UBE2O: variants seen among roughly 807,000 people sequenced by gnomAD.
UBE2O encodes the protein (E3-independent) E2 ubiquitin-conjugating enzyme.
A neutral mutation model predicts 125.8 loss-of-function variants in UBE2O; 15 were observed. That is an observed-to-expected ratio of 0.12 (90% confidence interval 0.08 to 0.18). The LOEUF (loss-of-function observed/expected upper bound fraction) is 0.18. Ranked by LOEUF, UBE2O falls within the 10% of genes least tolerant of loss-of-function variation. The pLI, the probability that UBE2O is intolerant of heterozygous loss-of-function variation, is 1.00. For missense variants in UBE2O, 1,280 were observed against 1,723.6 expected (o/e 0.74, Z 4.56); for synonymous variants, 708 against 703.2 (o/e 1.01, Z -0.11).
intron 1 of UBE2O, among the ~76,000 whole-genome samples, chr17:76,424,926 A>G (rs2072781395): frequency 1.3e-5 from 2 of 148,756 alleles, no homozygotes; most frequent in Admixed American, 6.7e-5. Flanking sequence ...GCTGGAGTGC[A>G]GTGGCGCGAT....
rs1203077120 is a variant in UBE2O, at chr17:76,405,090, C to G, written c.588+116G>C. 2.7e-6 allele frequency: 2 copies of G among 740,974 alleles called. No homozygotes were observed. Among genetic ancestry groups the G allele is most frequent in the Admixed American group, 3.1e-5 (1 of 32,774 alleles). The allele number at this position is 740,974 out of a possible 1,614,324, so 45.9% of individuals were successfully genotyped here. On this transcript the variant is annotated intron_variant, in intron 3 of 17. Transcript: ENST00000319380. This position sits in a 1 kb window ranked among gnomAD's most constrained non-coding sequence, Gnocchi z 6.1. ...CCAGCTGGCTGCTGTGCTCCGCCTTCTGACCCAGGAAGGCTGTGCTTGGCA... is the reference window on the plus strand; with the variant it reads ...CCAGCTGGCTGCTGTGCTCCGCCTTGTGACCCAGGAAGGCTGTGCTTGGCA...
At position 76,402,783 on chromosome 17, in the gene UBE2O, G is replaced by T; in HGVS notation, c.589-84C>A. ...ACAGATTCCTCTATGCCCCACCGAA[G>T]ACAGGATGGGGGAGGATCTAGACAG... On this transcript the variant is annotated intron_variant, in intron 3 of 17. Transcript: ENST00000319380. The surrounding 1 kb of genome is among the most constrained non-coding windows in gnomAD (Gnocchi z 5.4). 1 of 1,159,580 alleles carries T rather than the reference G, an allele frequency of 8.6e-7. No individual in the cohort carries two copies. The allele number at this position is 1,159,580 out of a possible 1,614,324, so 71.8% of individuals were successfully genotyped here.
At chr17:76,393,832 G>A (rs1292647194) in intron 15 of UBE2O, among the ~76,000 whole-genome samples, 1 of 152,214 alleles carries the variant, frequency 6.6e-6, no homozygotes, top group African/African-American at 2.4e-5. Context: ...GGCGAGGTCA[G>A]TGATGAGCTG....
At chr17:76,420,773 G>C (rs2072697318) in intron 1 of UBE2O, among the ~76,000 whole-genome samples, 1 of 152,138 alleles carries the variant, frequency 6.6e-6, no homozygotes, top group Admixed American at 6.5e-5. Flanking sequence ...CCAGGTGTTG[G>C]TCCTGCCAGC....
chr17:76,414,811 G>C (rs974492602), intron 1 of UBE2O, among the ~76,000 whole-genome samples: 1 of 152,166 alleles, frequency 6.6e-6, no homozygotes, highest in Admixed American at 6.5e-5. Context: ...TGCACTTGGC[G>C]GCAGGAGCTG....
In UBE2O at chr17:76,396,041, C is replaced by G. The variant is rs530994083; in HGVS notation, c.2809+87G>C. On this transcript the variant is annotated intron_variant, in intron 14 of 17. Transcript: ENST00000319380. This position sits in a 1 kb window ranked among gnomAD's most constrained non-coding sequence, Gnocchi z 6.7. ...CAGTAGCTGGGGTCTGGCGAGGGGACTAACCACCCTGCACCCAGATCTGGT... is the reference window on the plus strand; with the variant it reads ...CAGTAGCTGGGGTCTGGCGAGGGGAGTAACCACCCTGCACCCAGATCTGGT... The G allele has an allele frequency of 1.5e-4, 221 of 1,513,856 alleles. 2 individuals are homozygous for G. The South Asian group carries it at 1.6e-3, about 11-fold the overall frequency. The allele number at this position is 1,513,856 out of a possible 1,614,324, so 93.8% of individuals were successfully genotyped here.
chr17:76,414,793 G>A (rs867501091), intron 1 of UBE2O, among the ~76,000 whole-genome samples: 5 of 152,204 alleles, frequency 3.3e-5, no homozygotes, highest in Admixed American at 6.5e-5. Flanking sequence ...TGTTTGATAA[G>A]CAATATGTGC....
chr17:76,435,996 T>A (rs1598617755), intron 1 of UBE2O, among the ~76,000 whole-genome samples: 1 of 152,218 alleles, frequency 6.6e-6, no homozygotes, highest in African/African-American at 2.4e-5. Context: ...CCTGTAATCC[T>A]AGCACTTTGG....
rs1239770689 is a variant in UBE2O, at chr17:76,400,427, A to G, written c.1004+14T>C. The G allele has an allele frequency of 1.9e-6, 3 of 1,605,048 alleles. No individual in the cohort carries two copies. The highest frequency in any genetic ancestry group is 2.6e-6 in the Non-Finnish European group (3 of 1,174,440). ...CGCGTGCCCCTGGGTTGCTGGCAGTAAGGGCATGCTTACCTGCCTAGGTTT... is the reference window on the plus strand; with the variant it reads ...CGCGTGCCCCTGGGTTGCTGGCAGTGAGGGCATGCTTACCTGCCTAGGTTT... On this transcript the variant is annotated intron_variant, in intron 7 of 17. Transcript: ENST00000319380. This position sits in a 1 kb window ranked among gnomAD's most constrained non-coding sequence, Gnocchi z 4.3.
Position 76,395,839 on chromosome 17 carries a change from A to C in UBE2O, c.2832T>G (p.Ile944Met). 6.2e-7 allele frequency: 1 copy of C among 1,614,202 alleles called. No homozygotes were observed. Among genetic ancestry groups the C allele is most frequent in the Non-Finnish European group, 8.5e-7 (1 of 1,180,038 alleles). Residue 944 changes from isoleucine (I) to methionine (M), a missense_variant, in exon 15 of 18, where the codon ATT becomes ATG. Physicochemically the swap from Ile to Met is conservative, Grantham distance 10. Around this residue, in one of 10 missense-constraint regions of UBE2O, gnomAD observed 116 missense variants for 154.8 expected, o/e 0.75. Coordinates refer to ENST00000319380, the MANE Select transcript of UBE2O (RefSeq NM_022066.4). This position sits in a 1 kb window ranked among gnomAD's most constrained non-coding sequence, Gnocchi z 5.0. Reference protein sequence around the residue: ...FAPSNHSFKKIEFQPPEAKKF... With the variant: ...FAPSNHSFKKMEFQPPEAKKF... ...TCTTGGCTTCTGGAGGCTGGAACTC[A>C]ATTTTCTTAAAAGAATGATTTGCTA...
intron 1 of UBE2O, among the ~76,000 whole-genome samples, chr17:76,414,882 T>TA (rs2072574665): frequency 6.6e-6 from 1 of 151,978 alleles, no homozygotes; most frequent in African/African-American, 2.4e-5. Flanking sequence ...CAACCTGGCT[T>TA]AAAAAAAGAC....
intron 15 of UBE2O, among the ~76,000 whole-genome samples, chr17:76,394,558 G>A (rs973114847): frequency 4.6e-5 from 7 of 152,312 alleles, no homozygotes; most frequent in African/African-American, 1.2e-4. Context: ...TGATGTGTAC[G>A]ACGACATATT....
intron 1 of UBE2O, among the ~76,000 whole-genome samples, chr17:76,443,353 A>G (rs1313524154): frequency 6.6e-6 from 1 of 152,128 alleles, no homozygotes; most frequent in Non-Finnish European, 1.5e-5. Flanking sequence ...CCGGGGCACG[A>G]TCTCGGCTCA....
In UBE2O at chr17:76,399,529, G is replaced by A; in HGVS notation, c.1548C>T (p.Ile516=). ...SGSGTSRKKS[I]PLSIKNLKRK... Reference sequence around the variant, plus strand: ...GCTTTAAGTTCTTGATGGACAAGGGGATGCTCTTTTTGCGACTCGTGCCGC... The same window carrying A: ...GCTTTAAGTTCTTGATGGACAAGGGAATGCTCTTTTTGCGACTCGTGCCGC... Residue 516 remains isoleucine (I), a synonymous_variant, in exon 9 of 18, where the codon ATC becomes ATT. Coordinates refer to ENST00000319380, the MANE Select transcript of UBE2O (RefSeq NM_022066.4). This position sits in a 1 kb window ranked among gnomAD's most constrained non-coding sequence, Gnocchi z 6.9. The A allele has an allele frequency of 6.2e-7, 1 of 1,614,226 alleles. No homozygotes were observed.
Position 76,402,472 on chromosome 17 carries a change from C to G in UBE2O, c.686+130G>C. The G allele has an allele frequency of 1.2e-6, 1 of 805,782 alleles. No homozygotes were observed. Among genetic ancestry groups the G allele is most frequent in the South Asian group, 1.5e-5 (1 of 65,506 alleles). The allele number at this position is 805,782 out of a possible 1,614,324, so 49.9% of individuals were successfully genotyped here. A position where few individuals can be genotyped will look rare whatever the true frequency, so the allele number is the denominator to read the frequency against. ...ACGGTACAGGGTTAGGCCCTGGATG[C>G]CTGCAACATCTGTCACTGCCCTTGA... On this transcript the variant is annotated intron_variant, in intron 4 of 17. Coordinates refer to ENST00000319380, the MANE Select transcript of UBE2O (RefSeq NM_022066.4). The surrounding 1 kb of genome is among the most constrained non-coding windows in gnomAD (Gnocchi z 5.4).
rs545523264 is a variant in UBE2O, at chr17:76,391,576, G to A, written c.3246C>T (p.Ala1082=). The change falls in exon 18 of 18, where the codon GCC becomes GCT. Residue 1082 remains alanine, a synonymous_variant. Transcript: ENST00000319380. The surrounding 1 kb of genome is among the most constrained non-coding windows in gnomAD (Gnocchi z 8.4). ...ILVNEPYYNE[A]GFDSDRGLQE... ...GCAGGCCTCGGTCACTGTCGAAGCC[G>A]GCTTCGTTGTAGTATGGTTCATTTA... The A allele has an allele frequency of 8.7e-6, 14 of 1,614,100 alleles. No individual in the cohort carries two copies. In the African/African-American group the frequency reaches 9.3e-5, roughly 11 times the overall value.
chr17:76,416,952 CT>C (rs1354790209), intron 1 of UBE2O, among the ~76,000 whole-genome samples: 3 of 152,244 alleles, frequency 2.0e-5, no homozygotes, highest in Non-Finnish European at 4.4e-5. Context: ...AGGCTACACA[CT>C]GCAGGGGACA....
At chr17:76,426,738 T>C (rs2072817813) in intron 1 of UBE2O, among the ~76,000 whole-genome samples, 2 of 152,156 alleles carry the variant, frequency 1.3e-5, no homozygotes, top group African/African-American at 2.4e-5. Flanking sequence ...CATTTTTTGT[T>C]GGGACTTTGG....
chr17:76,410,687 G>A lies in UBE2O; in HGVS notation c.418-5115C>T, dbSNP rs1159276974. ...CTGTTGTGCCCCATTTGAGCTCCCC[G>A]AAGCTATGCTGGGGGCCACTCAGAG... On this transcript the variant is annotated intron_variant, in intron 1 of 17. Coordinates refer to ENST00000319380, the MANE Select transcript of UBE2O (RefSeq NM_022066.4). This position sits in a 1 kb window ranked among gnomAD's most constrained non-coding sequence, Gnocchi z 4.0. 6.6e-5 allele frequency among the ~76,000 whole-genome samples: 10 copies of A among 152,234 alleles called. No homozygotes were observed. The highest frequency in any genetic ancestry group is 6.2e-4 in the South Asian group (3 of 4,820).
Sources: gnomAD v4.1 joint callset for allele counts (sites outside exome capture counted in the v4.1 genomes callset) on GRCh38, gnomAD v4.1.1 for gene constraint, gnomAD v4.1.1 regional missense constraint, Gnocchi (gnomAD v3.1) non-coding constraint, MANE v1.5 for transcripts, NCBI Gene and HGNC (gene_info 2026-07-23, HGNC 2026-07-21) for gene names.